PTGIS: variants seen among roughly 807,000 people sequenced by gnomAD.
The protein encoded by PTGIS is prostaglandin I2 synthase.
Under a neutral mutation model 50.3 loss-of-function variants are expected in PTGIS, and 45 were observed. The observed-to-expected ratio is 0.90, with a 90% CI of 0.70 to 1.15. PTGIS has a LOEUF of 1.15. Among genes scored for constraint, PTGIS ranks in the 50% most tolerant of loss-of-function variants. The pLI is 0.00. For synonymous variants in PTGIS, 260 were observed against 267.7 expected (o/e 0.97, Z 0.28); for missense variants, 668 against 661.3 (o/e 1.01, Z -0.11).
At chr20:49,514,763 C>A (rs1270905453) in intron 6 of PTGIS, among the ~76,000 whole-genome samples, 2 of 152,200 alleles carry the variant, frequency 1.3e-5, no homozygotes, top group African/African-American at 4.8e-5. Flanking sequence ...CTTCCCCAAT[C>A]GCAGAATCCA....
chr20:49,539,917 C>T (rs1982182571), intron 4 of PTGIS, among the ~76,000 whole-genome samples, 196 bp from the exon 5 acceptor site: 1 of 152,214 alleles, frequency 6.6e-6, no homozygotes, highest in African/African-American at 2.4e-5. Context: ...CCTCTCAGCA[C>T]AGGGAGACAG....
intron 1 of PTGIS, among the ~76,000 whole-genome samples, chr20:49,555,099 C>T (rs559850133): frequency 6.6e-6 from 1 of 151,956 alleles, no homozygotes; most frequent in South Asian, 2.1e-4. Flanking sequence ...GGTGAAACCC[C>T]GTTTCTACTA....
At chr20:49,527,471 G>A (rs112955989) in intron 5 of PTGIS, among the ~76,000 whole-genome samples, 164 of 152,032 alleles carry the variant, frequency 1.1e-3, no homozygotes, top group Non-Finnish European at 2.1e-3. Flanking sequence ...CATATAATGA[G>A]AATCCTAGAA....
Position 49,538,311 on chromosome 20 carries a change from C to T in PTGIS, c.673+1259G>A, listed in dbSNP as rs184754529. On this transcript the variant is annotated intron_variant, in intron 5 of 9. Coordinates refer to ENST00000244043, the MANE Select transcript of PTGIS (RefSeq NM_000961.4). ...AGGCATGCTGGCTCACTCCCATAAT[C>T]TCAGCACTTTGGGAGGCCAAGGCAG... 3.9e-4 allele frequency among the ~76,000 whole-genome samples: 54 copies of T among 137,672 alleles called. No individual in the cohort carries two copies. The East Asian group carries it at 0.011, about 29-fold the overall frequency. 90.3% of individuals were successfully genotyped at this position (137,672 alleles called of 152,430 possible).
rs1170776510 is a variant in PTGIS, at chr20:49,514,412, C to G, written c.856-17G>C. On this transcript the variant is annotated splice_polypyrimidine_tract_variant and intron_variant, in intron 6 of 9. Transcript: ENST00000244043. Reference sequence around the variant, plus strand: ...CATATTCCCCTGCAAGGAGAAGGGCCCCTGTTATGCCATTATGAGGGCAGA... The same window carrying G: ...CATATTCCCCTGCAAGGAGAAGGGCGCCTGTTATGCCATTATGAGGGCAGA... 1.2e-6 allele frequency: 2 copies of G among 1,612,010 alleles called. No individual in the cohort carries two copies.
Position 49,507,702 on chromosome 20 carries a change from A to G in PTGIS, c.*218T>C, listed in dbSNP as rs2122831444. 8 of 644,172 alleles carry G rather than the reference A, an allele frequency of 1.2e-5. No individual in the cohort carries two copies. The East Asian group carries it at 2.2e-4, about 18-fold the overall frequency. The allele number at this position is 644,172 out of a possible 1,614,324, so 39.9% of individuals were successfully genotyped here. On this transcript the variant is annotated 3_prime_UTR_variant, in exon 10 of 10. Coordinates refer to ENST00000244043, the MANE Select transcript of PTGIS (RefSeq NM_000961.4). ...GACAAAGCCTGATTTTGGAAAGAAA[A>G]CTTTGCAGTGGATAATCCATAGAGC...
intron 1 of PTGIS, among the ~76,000 whole-genome samples, chr20:49,567,367 C>T (rs1982926178): frequency 6.6e-6 from 1 of 152,196 alleles, no homozygotes; most frequent in Non-Finnish European, 1.5e-5. Context: ...TCTGTCCAGG[C>T]TGTGGGACCT....
In PTGIS at chr20:49,507,940, G is replaced by T. The variant is rs774641163; in HGVS notation, c.1483C>A (p.Arg495Ser). Residue 495 changes from arginine (R) to serine (S), a missense_variant, in exon 10 of 10, where the codon CGC becomes AGC. Physicochemically the swap from Arg to Ser is moderately radical, Grantham distance 110 (BLOSUM62 -1). Coordinates refer to ENST00000244043, the MANE Select transcript of PTGIS (RefSeq NM_000961.4). ...LMQPEHDVPV[R>S]YRIRP ...CTGTGTCATGGGCGGATGCGGTAGC[G>T]GACGGGCACGTCGTGTTCCGGCTGC... 2 of 1,612,740 alleles carry T rather than the reference G, an allele frequency of 1.2e-6. No homozygotes were observed. The highest frequency in any genetic ancestry group is 1.3e-5 in the African/African-American group (1 of 74,922).
intron 5 of PTGIS, among the ~76,000 whole-genome samples, chr20:49,528,141 A>G (rs1204040136): frequency 6.6e-6 from 1 of 152,152 alleles, no homozygotes; most frequent in African/African-American, 2.4e-5. Context: ...CTCAAAATAC[A>G]AAAGAATTTG....
In PTGIS at chr20:49,548,791, TTAGA is replaced by T. The variant is rs1460253300; in HGVS notation, c.199-776_199-773del. Among the ~76,000 whole-genome samples, 10 of 152,036 alleles carry T rather than the reference TTAGA, an allele frequency of 6.6e-5. No individual in the cohort carries two copies. The South Asian group carries it at 1.0e-3, about 16-fold the overall frequency. ...TGGGTAAATACTTGTGGATACAATG[TTAGA>T]TAGATGGATAAATGGAAGGATAGAT... On this transcript the variant is annotated intron_variant, in intron 2 of 9. Transcript: ENST00000244043.
Position 49,564,322 on chromosome 20 carries a change from G to A in PTGIS, c.74+3721C>T, listed in dbSNP as rs143870599. Among the ~76,000 whole-genome samples the A allele has an allele frequency of 1.6e-4, 25 of 151,972 alleles. No homozygotes were observed. In the East Asian group the frequency reaches 2.3e-3, roughly 14 times the overall value. ...GCTGGAGTGCAATGGCGCAAGCTCCGCTCACTGCAAGCTCCGCCTCCTGGG... is the reference window on the plus strand; with the variant it reads ...GCTGGAGTGCAATGGCGCAAGCTCCACTCACTGCAAGCTCCGCCTCCTGGG... On this transcript the variant is annotated intron_variant, in intron 1 of 9. Coordinates refer to ENST00000244043, the MANE Select transcript of PTGIS (RefSeq NM_000961.4).
chr20:49,559,300 CAAG>C (rs1982702047), intron 1 of PTGIS, among the ~76,000 whole-genome samples: 1 of 152,168 alleles, frequency 6.6e-6, no homozygotes, highest in African/African-American at 2.4e-5. Flanking sequence ...TCTATATAAA[CAAG>C]AAGAATTGTA....
At chr20:49,562,480 T>C (rs750093422) in intron 1 of PTGIS, among the ~76,000 whole-genome samples, 3 of 152,128 alleles carry the variant, frequency 2.0e-5, no homozygotes, top group Admixed American at 6.5e-5. Flanking sequence ...ACTCAGGCCG[T>C]GGTCACATTC....
At chr20:49,539,457 G>A in intron 5 of PTGIS, 113 bp downstream of exon 5, 1 of 1,248,712 alleles carries the variant, frequency 8.0e-7, no homozygotes, top group Non-Finnish European at 1.1e-6. Flanking sequence ...TGCCTCCCTG[G>A]GCATTGGATG....
intron 5 of PTGIS, among the ~76,000 whole-genome samples, chr20:49,538,570 T>C (rs1812525033): frequency 6.6e-6 from 1 of 152,090 alleles, no homozygotes; most frequent in Admixed American, 6.6e-5. Context: ...GCAAAACTAA[T>C]TGGAGGTAAA....
intron 5 of PTGIS, among the ~76,000 whole-genome samples, chr20:49,537,514 G>A (rs1044865119): frequency 6.6e-6 from 1 of 152,230 alleles, no homozygotes; most frequent in Non-Finnish European, 1.5e-5. Flanking sequence ...CAACACTTTG[G>A]GAGGCCGAGG....
chr20:49,527,015 G>A (rs1032369442), intron 5 of PTGIS, among the ~76,000 whole-genome samples: 2 of 152,092 alleles, frequency 1.3e-5, no homozygotes, highest in African/African-American at 2.4e-5. Flanking sequence ...ACAGATACTC[G>A]TGCACCAATG....
chr20:49,511,123 G>A lies in PTGIS; in HGVS notation c.1263C>T (p.Tyr421=). ...AATTCTTCAGCCGTTTCCCATCCTTGTAAAAGTCTTTCTTCTCTGATCCGT... is the reference window on the plus strand; with the variant it reads ...AATTCTTCAGCCGTTTCCCATCCTTATAAAAGTCTTTCTTCTCTGATCCGT... ...NPDGSEKKDF[Y]KDGKRLKNYN... The change falls in exon 9 of 10, where the codon TAC becomes TAT. Residue 421 remains tyrosine (Y), a synonymous_variant. Coordinates refer to ENST00000244043, the MANE Select transcript of PTGIS (RefSeq NM_000961.4). 1 of 1,614,188 alleles carries A rather than the reference G, an allele frequency of 6.2e-7. No homozygotes were observed. The highest frequency in any genetic ancestry group is 2.2e-5 in the East Asian group (1 of 44,886).
chr20:49,531,215 C>T (rs1274740762), intron 5 of PTGIS, among the ~76,000 whole-genome samples: 1 of 152,064 alleles, frequency 6.6e-6, no homozygotes, highest in Non-Finnish European at 1.5e-5. Context: ...ATCTGGCAAA[C>T]CCCCCAAAAA....
Sources: allele counts gnomAD v4.1 joint callset (sites outside exome capture counted in the v4.1 genomes callset), GRCh38; gene constraint gnomAD v4.1.1; transcripts MANE v1.5; gene names NCBI Gene and HGNC (gene_info 2026-07-23, HGNC 2026-07-21).